PLXND1: variants seen among roughly 807,000 people sequenced by gnomAD.
The protein encoded by PLXND1 is plexin-D1.
A neutral mutation model predicts 197.7 loss-of-function variants in PLXND1; 54 were observed. The ratio of observed to expected loss-of-function variants is 0.27; its 90% CI spans 0.22 to 0.34. The LOEUF (loss-of-function observed/expected upper bound fraction) is 0.34. Ranked by LOEUF, PLXND1 falls within the 10% of genes least tolerant of loss-of-function variation. The probability of loss-of-function intolerance (pLI) is 1.00; values close to 1 mark genes in which losing one functional copy is unlikely to be tolerated. For missense variants in PLXND1, 2,127 were observed against 2,699.2 expected, an observed-to-expected ratio of 0.79 and a Z score of 4.70; for synonymous variants, 1,180 against 1,161.2, an observed-to-expected ratio of 1.02 and a Z score of -0.33.
At chr3:129,593,298 A>G (rs1460407032) in intron 1 of PLXND1, among the ~76,000 whole-genome samples, 2 of 152,030 alleles carry the variant, frequency 1.3e-5, no homozygotes, top group Non-Finnish European at 2.9e-5. Flanking sequence ...CCACCACATC[A>G]GTCTCCACAG....
chr3:129,591,842 G>A (rs778574088), intron 1 of PLXND1, among the ~76,000 whole-genome samples: 2 of 152,072 alleles, frequency 1.3e-5, no homozygotes, highest in Non-Finnish European at 2.9e-5. Flanking sequence ...TGCTAACACA[G>A]CTGCCAAATG....
In PLXND1 at chr3:129,557,119, C is replaced by A. The variant is rs200538768; in HGVS notation, c.5550G>T (p.Glu1850Asp). 16 of 1,614,154 alleles carry A rather than the reference C, an allele frequency of 9.9e-6. No homozygotes were observed. The East Asian group carries it at 3.3e-4, about 34-fold the overall frequency. ...KQIQDMTPLSEQEMNAHLAEE... is the reference protein window; with the variant it reads ...KQIQDMTPLSDQEMNAHLAEE... Reference sequence around the variant, plus strand: ...CGGCCAGATGGGCATTCATCTCTTGCTCGCTGAGCGGCGTCATGTCCTGGA... The same window carrying A: ...CGGCCAGATGGGCATTCATCTCTTGATCGCTGAGCGGCGTCATGTCCTGGA... Residue 1850 changes from glutamate to aspartate, a missense_variant, in exon 34 of 36, where the codon GAG becomes GAT. By Grantham distance (45) the Glu-to-Asp change is conservative. This residue lies in a region of PLXND1 where 200 missense variants were observed against 303.3 expected (regional missense o/e 0.66). Coordinates refer to ENST00000324093, the MANE Select transcript of PLXND1 (RefSeq NM_015103.3). The surrounding 1 kb of genome is among the most constrained non-coding windows in gnomAD (Gnocchi z 4.8).
intron 1 of PLXND1, among the ~76,000 whole-genome samples, chr3:129,598,155 G>A (rs763354505): frequency 1.2e-4 from 19 of 152,118 alleles, no homozygotes; most frequent in Non-Finnish European, 2.1e-4. Context: ...GCTTCCCCTC[G>A]GCCTGCTACC....
Position 129,567,609 on chromosome 3 carries a change from C to A in PLXND1, c.3974-5G>T, listed in dbSNP as rs763028026. The A allele has an allele frequency of 1.9e-6, 3 of 1,603,108 alleles. No individual in the cohort carries two copies. The highest frequency in any genetic ancestry group is 2.2e-5 in the South Asian group (2 of 90,478). ...CTGTCTGCAGCTCAGCGAAGCCTGG[C>A]GGACACACGGACAGCCGTGAGCGGC... On this transcript the variant is annotated splice_polypyrimidine_tract_variant and splice_region_variant and intron_variant, in intron 21 of 35. Transcript: ENST00000324093.
At chr3:129,559,896 A>G in intron 31 of PLXND1, 113 bp from the exon 32 acceptor site, 1 of 927,062 alleles carries the variant, frequency 1.1e-6, no homozygotes, top group East Asian at 2.6e-5. Context: ...TGAGGAAGCC[A>G]CATGGCATCA....
chr3:129,585,888 G>A (rs1277865193), intron 5 of PLXND1, 64 bp downstream of exon 5: 1 of 1,602,726 alleles, frequency 6.2e-7, no homozygotes, highest in African/African-American at 1.3e-5. Flanking sequence ...CTCGGGGCCT[G>A]GGTGCTGGGT....
At chr3:129,576,250 C>T (rs1168918081) in intron 9 of PLXND1, among the ~76,000 whole-genome samples, 1 of 152,232 alleles carries the variant, frequency 6.6e-6, no homozygotes, top group African/African-American at 2.4e-5. Flanking sequence ...CAACGCCCAA[C>T]ACGGCCAGAC....
Position 129,563,108 on chromosome 3 carries a change from C to T in PLXND1, c.4654G>A (p.Glu1552Lys), listed in dbSNP as rs757059098. The change falls in exon 26 of 36, where the codon GAG becomes AAG. Residue 1552 changes from glutamate to lysine, a missense_variant. Glu to Lys is a moderately conservative substitution (Grantham distance 56). Transcript: ENST00000324093. ...SEEWLLRENI[E>K]AKPRNLNVSF... ...TGCCGACTTACCCGGGGCTTGGCCT[C>T]GATGTTCTCCCGCAGCAGCCACTCC... The T allele has an allele frequency of 3.1e-6, 5 of 1,613,474 alleles. No homozygotes were observed. Among genetic ancestry groups the T allele is most frequent in the Non-Finnish European group, 1.7e-6 (2 of 1,179,790 alleles).
Position 129,583,629 on chromosome 3 carries a change from A to G in PLXND1, c.2179T>C (p.Cys727Arg). 6.2e-7 allele frequency: 1 copy of G among 1,613,356 alleles called. No individual in the cohort carries two copies. Among genetic ancestry groups the G allele is most frequent in the Non-Finnish European group, 8.5e-7 (1 of 1,179,950 alleles). Residue 727 changes from cysteine to arginine, a missense_variant, in exon 8 of 36, where the codon TGC becomes CGC. Cys to Arg is a radical substitution (Grantham distance 180). Coordinates refer to ENST00000324093, the MANE Select transcript of PLXND1 (RefSeq NM_015103.3). ...GAAACACAGGAGTGCTGCTGGCTGC[A>G]CCAGAAACAGGGCCACTGTGCCGAC... ...CLSAQWPCFW[C>R]SQQHSCVSNQ...
intron 2 of PLXND1, 48 bp downstream of exon 2, chr3:129,589,303 G>GGGCGC: frequency 1.3e-6 from 1 of 792,714 alleles, no homozygotes; most frequent in Non-Finnish European, 2.1e-6. Context: ...CAACTCCCAG[G>GGGCGC]GGAGCCTCCC....
intron 8 of PLXND1, among the ~76,000 whole-genome samples, chr3:129,579,323 G>C (rs2085356449): frequency 6.6e-6 from 1 of 152,170 alleles, no homozygotes; most frequent in African/African-American, 2.4e-5. Context: ...TGGGGCGCGT[G>C]TTAAGATGCA....
At position 129,563,270 on chromosome 3, in the gene PLXND1, G is replaced by A. The variant is rs111893716; in HGVS notation, c.4522-30C>T. 19 of 1,576,876 alleles carry A rather than the reference G, an allele frequency of 1.2e-5. 1 individual carries two copies. In the Admixed American group the frequency reaches 2.7e-4, roughly 23 times the overall value. ...GGGGCACGGGGGTATCAGGGCCAAG[G>A]CCCCCTCTGTATTCCAGCCCCCATG... On this transcript the variant is annotated intron_variant, in intron 25 of 35. Transcript: ENST00000324093.
Position 129,558,849 on chromosome 3 carries a change from C to T in PLXND1, c.5298-274G>A, listed in dbSNP as rs1302495450. Among the ~76,000 whole-genome samples the T allele has an allele frequency of 1.3e-5, 2 of 152,184 alleles. No individual in the cohort carries two copies. The highest frequency in any genetic ancestry group is 4.8e-5 in the African/African-American group (2 of 41,432). ...CTGAGCCTCCAGTCAGGTCCTGGTT[C>T]TCATTAGAACCAGGTGCCGGCCCCC... On this transcript the variant is annotated intron_variant, in intron 32 of 35. Transcript: ENST00000324093. This position sits in a 1 kb window ranked among gnomAD's most constrained non-coding sequence, Gnocchi z 4.1.
Position 129,574,441 on chromosome 3 carries a change from C to T in PLXND1, c.2580G>A (p.Leu860=). 6.2e-7 allele frequency: 1 copy of T among 1,613,190 alleles called. No individual in the cohort carries two copies. The highest frequency in any genetic ancestry group is 1.1e-5 in the South Asian group (1 of 91,084). The change falls in exon 12 of 36, where the codon CTG becomes CTA. Residue 860 remains leucine, a synonymous_variant. Transcript: ENST00000324093. ...ACAGGTGACCCAGGTCTTCGCGGCC[C>T]AGGCACTGGGAACAGTCGGGGCTGC... ...AMGSPDCSQC[L]GREDLGHLCM...
At position 129,571,716 on chromosome 3, in the gene PLXND1, G is replaced by A. The variant is rs779527122; in HGVS notation, c.3206C>T (p.Pro1069Leu). 7.4e-6 allele frequency: 12 copies of A among 1,613,664 alleles called. No homozygotes were observed. Among genetic ancestry groups the A allele is most frequent in the East Asian group, 6.7e-5 (3 of 44,896 alleles). Residue 1069 changes from proline to leucine, a missense_variant, in exon 16 of 36, where the codon CCG becomes CTG. Coordinates refer to ENST00000324093, the MANE Select transcript of PLXND1 (RefSeq NM_015103.3). ...GNLTFWYMQN[P>L]VITAISPRRS... ...GCGGGGACTGATGGCCGTGATGACC[G>A]GGTTCTGCATGTACCAGAAGGTGAG...
intron 2 of PLXND1, 31 bp downstream of exon 2, chr3:129,589,310 TCCCACCCCCA>T: frequency 4.0e-6 from 2 of 501,294 alleles, no homozygotes; most frequent in Non-Finnish European, 7.6e-6. Flanking sequence ...CAGGGGAGCC[TCCCACCCCCA>T]CCCCCTCCCC....
At chr3:129,581,663 CAG>C (rs1343704436) in intron 8 of PLXND1, among the ~76,000 whole-genome samples, 1 of 152,176 alleles carries the variant, frequency 6.6e-6, no homozygotes. Context: ...GATGGGGAAA[CAG>C]AGGCACAGAG....
chr3:129,568,229 T>C (rs2085171292), intron 20 of PLXND1, among the ~76,000 whole-genome samples: 1 of 152,208 alleles, frequency 6.6e-6, no homozygotes, highest in African/African-American at 2.4e-5. Flanking sequence ...GACCAGGTGT[T>C]ACTTGTAAAT....
chr3:129,586,095 G>C lies in PLXND1; in HGVS notation c.1722-14C>G. 1.9e-6 allele frequency: 3 copies of C among 1,613,652 alleles called. No individual in the cohort carries two copies. The highest frequency in any genetic ancestry group is 2.5e-6 in the Non-Finnish European group (3 of 1,179,914). ...TGCAAGGTGCACCTGGGGTGGCACC[G>C]CAGGGTCAGGACCCAGGTCAGCTCC... On this transcript the variant is annotated splice_polypyrimidine_tract_variant and intron_variant, in intron 4 of 35. Transcript: ENST00000324093.
Sources: gnomAD v4.1 joint callset for allele counts (sites outside exome capture counted in the v4.1 genomes callset) on GRCh38, gnomAD v4.1.1 for gene constraint, gnomAD v4.1.1 regional missense constraint, Gnocchi (gnomAD v3.1) non-coding constraint, MANE v1.5 for transcripts, NCBI Gene and HGNC (gene_info 2026-07-23, HGNC 2026-07-21) for gene names.